The following EBF3 variants were observed in gnomAD, a reference collection of about 807,000 sequenced individuals.
EBF3 encodes the protein transcription factor COE3.
A neutral mutation model predicts 77.1 loss-of-function variants in EBF3; 18 were observed. The ratio of observed to expected loss-of-function variants is 0.23; its 90% CI spans 0.16 to 0.35. The LOEUF (loss-of-function observed/expected upper bound fraction) is 0.35. Ranked by LOEUF, EBF3 falls within the 10% of genes least tolerant of loss-of-function variation. The probability of loss-of-function intolerance (pLI) is 1.00; values close to 1 mark genes in which losing one functional copy is unlikely to be tolerated. For missense variants in EBF3, 558 were observed against 860.0 expected (o/e 0.65, Z 4.39); for synonymous variants, 350 against 343.5 (o/e 1.02, Z -0.21).
intron 6 of EBF3, among the ~76,000 whole-genome samples, chr10:129,949,233 G>A (rs1360834744): frequency 1.6e-4 from 24 of 152,208 alleles, no homozygotes; most frequent in Non-Finnish European, 2.5e-4. Flanking sequence ...CCCGGGAAGC[G>A]GAGGTTGCGG....
At chr10:129,905,375 AAAT>A in intron 6 of EBF3, among the ~76,000 whole-genome samples, 1 of 152,360 alleles carries the variant, frequency 6.6e-6, no homozygotes, top group Non-Finnish European at 1.5e-5. Flanking sequence ...CTACGTATTG[AAAT>A]AATAATCTTT....
chr10:129,856,338 C>CAATG (rs1004409234), intron 10 of EBF3, among the ~76,000 whole-genome samples: 1 of 152,048 alleles, frequency 6.6e-6, no homozygotes, highest in Non-Finnish European at 1.5e-5. Flanking sequence ...AAATGTTCAT[C>CAATG]AATGAATGAA....
intron 6 of EBF3, among the ~76,000 whole-genome samples, chr10:129,901,019 T>C (rs1395392678): frequency 6.6e-6 from 1 of 152,240 alleles, no homozygotes; most frequent in Non-Finnish European, 1.5e-5. Context: ...GCAGGTTCCA[T>C]GCATAATTCT....
At chr10:129,869,148 G>C (rs1457161061) in intron 8 of EBF3, among the ~76,000 whole-genome samples, 3 of 152,164 alleles carry the variant, frequency 2.0e-5, no homozygotes, top group Non-Finnish European at 4.4e-5. Context: ...CAAGAGAAGA[G>C]GAAGCCTCTA....
At chr10:129,913,434 C>T (rs1440077240) in intron 6 of EBF3, among the ~76,000 whole-genome samples, 1 of 152,220 alleles carries the variant, frequency 6.6e-6, no homozygotes, top group Non-Finnish European at 1.5e-5. Flanking sequence ...CAGCAGCATC[C>T]TCTTCTTTTC....
intron 6 of EBF3, among the ~76,000 whole-genome samples, chr10:129,904,391 T>A (rs1181055489): frequency 2.0e-5 from 3 of 152,182 alleles, no homozygotes; most frequent in Non-Finnish European, 4.4e-5. Flanking sequence ...GGGCTATGAA[T>A]ATGGAGATGG....
chr10:129,847,614 G>A (rs965312856), intron 11 of EBF3, among the ~76,000 whole-genome samples: 22 of 152,222 alleles, frequency 1.4e-4, no homozygotes, highest in African/African-American at 5.1e-4. Flanking sequence ...GTACACACAG[G>A]GATGGAATGT....
chr10:129,857,279 C>T (rs569091195), intron 10 of EBF3, among the ~76,000 whole-genome samples: 10 of 152,266 alleles, frequency 6.6e-5, no homozygotes, highest in Non-Finnish European at 1.2e-4. Flanking sequence ...CCTATAAAAC[C>T]GTCCTATTTC....
At chr10:129,898,297 G>A (rs1854535255) in intron 6 of EBF3, among the ~76,000 whole-genome samples, 1 of 152,242 alleles carries the variant, frequency 6.6e-6, no homozygotes, top group South Asian at 2.1e-4. Flanking sequence ...GTGCAGGAGT[G>A]AAATCTAATA....
chr10:129,849,576 TG>T (rs1850713387), intron 10 of EBF3, among the ~76,000 whole-genome samples: 1 of 152,176 alleles, frequency 6.6e-6, no homozygotes, highest in African/African-American at 2.4e-5. Context: ...CCAAAATAAT[TG>T]GTCACCGTTC....
intron 7 of EBF3, among the ~76,000 whole-genome samples, chr10:129,874,869 T>C (rs1423002438): frequency 6.6e-6 from 1 of 152,112 alleles, no homozygotes; most frequent in Admixed American, 6.5e-5. Flanking sequence ...CACATCAGTG[T>C]TGGGTCCGCA....
At chr10:129,853,772 C>T (rs935872362) in intron 10 of EBF3, among the ~76,000 whole-genome samples, 11 of 152,300 alleles carry the variant, frequency 7.2e-5, no homozygotes, top group African/African-American at 2.6e-4. Context: ...TTAGTGATTT[C>T]AGTGACAAAG....
At chr10:129,893,686 A>C (rs1854173187) in intron 6 of EBF3, among the ~76,000 whole-genome samples, 2 of 152,216 alleles carry the variant, frequency 1.3e-5, no homozygotes, top group African/African-American at 4.8e-5. Context: ...TCTCCAGCTA[A>C]TCTGCAAATC....
At chr10:129,867,987 C>T (rs1180362296) in intron 8 of EBF3, 75 bp from the exon 9 acceptor site, 16 of 1,566,048 alleles carry the variant, frequency 1.0e-5, no homozygotes, top group East Asian at 4.5e-5. Context: ...GGCCACCGCG[C>T]GTCCCGCGGC....
intron 6 of EBF3, among the ~76,000 whole-genome samples, chr10:129,940,070 G>A (rs569508172): frequency 1.8e-4 from 27 of 152,354 alleles, no homozygotes; most frequent in African/African-American, 6.0e-4. Context: ...GGCAAACAGG[G>A]CACAATGGCG....
chr10:129,891,210 A>G (rs978357400), intron 6 of EBF3, among the ~76,000 whole-genome samples: 3 of 152,094 alleles, frequency 2.0e-5, no homozygotes, highest in Non-Finnish European at 4.4e-5. Context: ...TGACTTTAAT[A>G]CTCTCCCATC....
intron 11 of EBF3, among the ~76,000 whole-genome samples, chr10:129,846,360 A>C (rs1346912834): frequency 6.6e-6 from 1 of 151,944 alleles, no homozygotes; most frequent in East Asian, 1.9e-4. Context: ...AGCTTCAAAA[A>C]AATTGCTGCA....
intron 10 of EBF3, among the ~76,000 whole-genome samples, chr10:129,858,840 T>G (rs1851428176): frequency 6.6e-6 from 1 of 151,950 alleles, no homozygotes; most frequent in Non-Finnish European, 1.5e-5. Flanking sequence ...ATCTCAAGAG[T>G]GCAGGGAGAG....
chr10:129,953,087 G>GA (rs943822527), intron 6 of EBF3, among the ~76,000 whole-genome samples: 5 of 148,880 alleles, frequency 3.4e-5, no homozygotes, highest in Non-Finnish European at 7.4e-5. Context: ...AAGAAAGACA[G>GA]AAAAAAAAAT....
Sources: allele counts gnomAD v4.1 joint callset (sites outside exome capture counted in the v4.1 genomes callset), GRCh38; gene constraint gnomAD v4.1.1; transcripts MANE v1.5; gene names NCBI Gene and HGNC (gene_info 2026-07-23, HGNC 2026-07-21).